ACTR3C: variants seen among roughly 807,000 people sequenced by gnomAD.
ACTR3C encodes the protein actin related protein 3C, also known as actin-related protein 3C.
Under a neutral mutation model 26.3 loss-of-function variants are expected in ACTR3C, and 18 were observed. That is an observed-to-expected ratio of 0.68 (90% CI 0.47 to 1.01). ACTR3C has a LOEUF of 1.01. Ranked by LOEUF, ACTR3C falls within the 50% of genes least tolerant of loss-of-function variation. The probability of loss-of-function intolerance (pLI) is 0.00; values close to 1 mark genes in which losing one functional copy is unlikely to be tolerated. For missense variants in ACTR3C, 184 were observed against 250.7 expected (o/e 0.73, Z 1.80); for synonymous variants, 55 against 94.5 (o/e 0.58, Z 2.42).
chr7:150,128,053 CAAAA>C, the ACTR3C span, among the ~76,000 whole-genome samples: 7 of 113,854 alleles, frequency 6.1e-5, no homozygotes, highest in Non-Finnish European at 1.3e-4. Flanking sequence ...AAATTCATTC[CAAAA>C]AAAAAAAAAA....
the ACTR3C span, among the ~76,000 whole-genome samples, chr7:149,985,441 C>T: frequency 9.9e-5 from 15 of 152,284 alleles, no homozygotes; most frequent in Non-Finnish European, 1.9e-4. Flanking sequence ...CTGCCATGCA[C>T]TTCTAGAAGA....
At chr7:150,218,387 T>G in the ACTR3C span, among the ~76,000 whole-genome samples, 1 of 152,254 alleles carries the variant, frequency 6.6e-6, no homozygotes, top group Non-Finnish European at 1.5e-5. Flanking sequence ...TTTTTTTTCC[T>G]TCTAGCTAAT....
the ACTR3C span, among the ~76,000 whole-genome samples, chr7:150,048,062 C>T: frequency 6.6e-6 from 1 of 152,190 alleles, no homozygotes; most frequent in African/African-American, 2.4e-5. Context: ...GCCTCCTCCG[C>T]CCCCTCCCCG....
At chr7:150,078,271 TAC>T in the ACTR3C span, among the ~76,000 whole-genome samples, 1 of 148,788 alleles carries the variant, frequency 6.7e-6, no homozygotes, top group Admixed American at 6.7e-5. Flanking sequence ...AAGTGTCCCC[TAC>T]TCTCCACTCA....
the ACTR3C span, among the ~76,000 whole-genome samples, chr7:150,101,674 G>C: frequency 2.0e-5 from 3 of 151,896 alleles, no homozygotes; most frequent in African/African-American, 7.3e-5. Context: ...GGCCAGCCAC[G>C]TTAAGTCACT....
the ACTR3C span, among the ~76,000 whole-genome samples, chr7:150,237,016 G>A: frequency 4.6e-5 from 7 of 150,770 alleles, no homozygotes; most frequent in East Asian, 1.9e-4. Context: ...CTGTCCTAAG[G>A]TTTCTGCACT....
chr7:150,007,050 C>T, the ACTR3C span, among the ~76,000 whole-genome samples: 23 of 152,252 alleles, frequency 1.5e-4, no homozygotes, highest in African/African-American at 5.3e-4. Flanking sequence ...ATTTGCAGGT[C>T]GGGGGATAGC....
the ACTR3C span, among the ~76,000 whole-genome samples, chr7:149,970,361 T>C: frequency 1.3e-5 from 2 of 151,894 alleles, no homozygotes; most frequent in Non-Finnish European, 1.5e-5. Context: ...ATGTTCATCT[T>C]GGAAGCAAAA....
At chr7:150,048,963 G>C in the ACTR3C span, among the ~76,000 whole-genome samples, 1 of 152,134 alleles carries the variant, frequency 6.6e-6, no homozygotes, top group Non-Finnish European at 1.5e-5. Context: ...GGCTGTGACC[G>C]TGACTCCATT....
At chr7:150,026,756 A>G in the ACTR3C span, among the ~76,000 whole-genome samples, 1 of 151,886 alleles carries the variant, frequency 6.6e-6, no homozygotes, top group African/African-American at 2.4e-5. Flanking sequence ...GTCATTCAGG[A>G]AAAAAAATCT....
chr7:150,010,959 A>G, the ACTR3C span, among the ~76,000 whole-genome samples: 1 of 147,534 alleles, frequency 6.8e-6, no homozygotes, highest in East Asian at 2.0e-4. Flanking sequence ...GGGCCAGCAC[A>G]GCATGAAAGC....
At chr7:150,114,345 G>A in the ACTR3C span, among the ~76,000 whole-genome samples, 39 of 152,048 alleles carry the variant, frequency 2.6e-4, 1 homozygote, top group East Asian at 7.4e-3. Flanking sequence ...CTTTTCTTAA[G>A]GGCATTTTTT....
chr7:150,102,129 G>C, the ACTR3C span, among the ~76,000 whole-genome samples: 1 of 151,592 alleles, frequency 6.6e-6, no homozygotes, highest in East Asian at 1.9e-4. Flanking sequence ...CGATGTTGCT[G>C]TCATTCTCCC....
chr7:150,141,783 G>T, the ACTR3C span, among the ~76,000 whole-genome samples: 1 of 151,986 alleles, frequency 6.6e-6, no homozygotes, highest in Non-Finnish European at 1.5e-5. Context: ...GTGTGGGAAG[G>T]TGCATACTGA....
chr7:150,173,566 G>T, the ACTR3C span, among the ~76,000 whole-genome samples: 165 of 149,418 alleles, frequency 1.1e-3, 3 homozygotes, highest in African/African-American at 4.1e-3. Flanking sequence ...GAAGACCTCT[G>T]ATGTGCCCTG....
chr7:149,928,994 A>T, the ACTR3C span, among the ~76,000 whole-genome samples: 1 of 152,098 alleles, frequency 6.6e-6, no homozygotes, highest in African/African-American at 2.4e-5. Context: ...CAGAACGACA[A>T]CTCCTACAGA....
At chr7:149,991,833 C>T in the ACTR3C span, among the ~76,000 whole-genome samples, 42,768 of 152,086 alleles carry the variant, frequency 0.28, 6,070 homozygotes, top group African/African-American at 0.33. Flanking sequence ...TGAGCTTAAG[C>T]GTTCTCCCAC....
chr7:150,267,754 C>T, intron 6 of ACTR3C, among the ~76,000 whole-genome samples: 1 of 152,136 alleles, frequency 6.6e-6, no homozygotes, highest in South Asian at 2.1e-4. Context: ...GGGACGCATG[C>T]CCCACGGATA....
the ACTR3C span, among the ~76,000 whole-genome samples, chr7:150,191,040 A>G: frequency 2.0e-5 from 3 of 152,214 alleles, no homozygotes; most frequent in African/African-American, 7.2e-5. Flanking sequence ...TACAGGAACT[A>G]TAATTCAAGA....
Sources: allele counts gnomAD v4.1 joint callset (sites outside exome capture counted in the v4.1 genomes callset), GRCh38; gene constraint gnomAD v4.1.1; transcripts MANE v1.5; gene names NCBI Gene and HGNC (gene_info 2026-07-23, HGNC 2026-07-21).